The following RFX7 variants were observed in gnomAD, a reference collection of about 807,000 sequenced individuals.
RFX7 encodes DNA-binding protein RFX7.
In RFX7, 26 loss-of-function variants were observed where a neutral mutation model predicts 111.8. The observed-to-expected ratio is 0.23, with a 90% CI of 0.17 to 0.32. The LOEUF is 0.32. Among genes scored for constraint, RFX7 ranks in the 10% least tolerant of loss-of-function variants. RFX7 has a pLI of 1.00. For synonymous variants in RFX7, 624 were observed against 624.4 expected, an observed-to-expected ratio of 1.00 and a Z score of 0.01; for missense variants, 1,573 against 1,772.9, an observed-to-expected ratio of 0.89 and a Z score of 2.02.
At chr15:56,122,760 C>G (rs1378691578) in intron 5 of RFX7, among the ~76,000 whole-genome samples, 3 of 152,068 alleles carry the variant, frequency 2.0e-5, no homozygotes, top group Admixed American at 2.0e-4. Flanking sequence ...CAGTCCTTCC[C>G]ACTCTTCCTT....
intron 4 of RFX7, 34 bp downstream of exon 4, chr15:56,144,367 A>T: frequency 1.7e-6 from 2 of 1,205,604 alleles, no homozygotes; most frequent in Non-Finnish European, 2.3e-6. Context: ...TCCTATAAAC[A>T]GCATAATTAT....
chr15:56,101,659 C>A (rs765827847), intron 7 of RFX7, 93 bp from the exon 8 acceptor site: 1 of 1,151,222 alleles, frequency 8.7e-7, no homozygotes, highest in Non-Finnish European at 1.2e-6. Flanking sequence ...TTAGAAGATA[C>A]AATATAAATC....
chr15:56,128,017 T>C (rs1203282978), intron 5 of RFX7, among the ~76,000 whole-genome samples: 2 of 151,782 alleles, frequency 1.3e-5, no homozygotes, highest in South Asian at 2.1e-4. Context: ...TGACAACAAA[T>C]TGGATAATAT....
chr15:56,119,448 T>G (rs1277368742), intron 5 of RFX7, among the ~76,000 whole-genome samples: 1 of 152,174 alleles, frequency 6.6e-6, no homozygotes, highest in Non-Finnish European at 1.5e-5. Flanking sequence ...AAACCATGTA[T>G]TTCCCCAGTG....
At chr15:56,144,190 C>A (rs1312753005) in intron 4 of RFX7, among the ~76,000 whole-genome samples, 1 of 152,054 alleles carries the variant, frequency 6.6e-6, no homozygotes, top group African/African-American at 2.4e-5. Flanking sequence ...TAGCATTTAC[C>A]CAATTGCACA....
chr15:56,243,630 G>A lies in RFX7; in HGVS notation c.-188C>T, dbSNP rs2043748360. On this transcript the variant is annotated 5_prime_UTR_variant, in exon 1 of 10. Transcript: ENST00000559447. ...GTGGGGGGGTGAGATGGGGGCGTTT[G>A]AAGACGAAGTGGGGGGGGCAGGCTC... 1 of 184,372 alleles carries A rather than the reference G, an allele frequency of 5.4e-6. No homozygotes were observed. The highest frequency in any genetic ancestry group is 9.7e-6 in the Non-Finnish European group (1 of 103,114). 11.4% of individuals were successfully genotyped at this position (184,372 alleles called of 1,614,324 possible).
At chr15:56,118,840 C>T (rs1187932618) in intron 5 of RFX7, among the ~76,000 whole-genome samples, 3 of 152,338 alleles carry the variant, frequency 2.0e-5, no homozygotes. Flanking sequence ...CTTTCCTCCA[C>T]ATCCTTGTCA....
intron 2 of RFX7, among the ~76,000 whole-genome samples, chr15:56,233,627 T>A (rs981525314): frequency 6.6e-6 from 1 of 152,102 alleles, no homozygotes; most frequent in Non-Finnish European, 1.5e-5. Context: ...ATATCTACTA[T>A]CAAAAGAATT....
chr15:56,239,235 A>G, intron 2 of RFX7, among the ~76,000 whole-genome samples: 1 of 152,122 alleles, frequency 6.6e-6, no homozygotes, highest in Non-Finnish European at 1.5e-5. Context: ...TTTATGTTTC[A>G]TATACACCTT....
chr15:56,158,118 T>C (rs954256216), intron 3 of RFX7, among the ~76,000 whole-genome samples: 2 of 152,168 alleles, frequency 1.3e-5, no homozygotes, highest in Non-Finnish European at 2.9e-5. Context: ...ATATGACATA[T>C]ATATAAAATA....
chr15:56,192,864 T>C, intron 2 of RFX7: 1 of 218,342 alleles, frequency 4.6e-6, no homozygotes, highest in Non-Finnish European at 9.9e-6. Flanking sequence ...GCTGGCAAAC[T>C]TGTATGTTCA....
intron 5 of RFX7, among the ~76,000 whole-genome samples, chr15:56,109,224 T>C (rs1314371193): frequency 1.3e-5 from 2 of 152,220 alleles, no homozygotes; most frequent in Non-Finnish European, 2.9e-5. Flanking sequence ...TTTCGTATTT[T>C]TTGGGTGGAG....
intron 5 of RFX7, among the ~76,000 whole-genome samples, chr15:56,128,492 C>A (rs2042173342): frequency 6.6e-6 from 1 of 152,150 alleles, no homozygotes; most frequent in Non-Finnish European, 1.5e-5. Flanking sequence ...ATATAATCAT[C>A]TCAATAGATG....
chr15:56,153,938 G>A (rs2042613306), intron 3 of RFX7, among the ~76,000 whole-genome samples: 1 of 152,168 alleles, frequency 6.6e-6, no homozygotes, highest in Non-Finnish European at 1.5e-5. Context: ...AGCAACTTCA[G>A]CAAAGTCTCA....
rs1175175438 is a variant in RFX7 at position 56,232,019 on chromosome 15, G to A, written c.161+11106C>T. On this transcript the variant is annotated intron_variant, in intron 2 of 9. Transcript: ENST00000559447. The stretch of plus-strand genomic sequence containing the variant: ...GGTTCCCATGGTCTTGAGCGGCTCC[G>A]CCCCTGTGGCTTTGCAGGATACAGC... 7.9e-5 allele frequency among the ~76,000 whole-genome samples: 12 copies of A among 152,276 alleles called. No individual in the cohort carries two copies. The Middle Eastern group carries it at 0.014, about 173-fold the overall frequency.
chr15:56,227,741 T>C (rs939785661), intron 2 of RFX7, among the ~76,000 whole-genome samples: 3 of 152,336 alleles, frequency 2.0e-5, no homozygotes, highest in South Asian at 2.1e-4. Flanking sequence ...TGAACTGTTA[T>C]CTATTAGATC....
intron 2 of RFX7, among the ~76,000 whole-genome samples, chr15:56,237,468 T>C (rs1199601613): frequency 6.6e-6 from 1 of 152,220 alleles, no homozygotes; most frequent in African/African-American, 2.4e-5. Flanking sequence ...TAATTTTCAT[T>C]TGCACAATTT....
intron 3 of RFX7, among the ~76,000 whole-genome samples, chr15:56,155,377 A>G (rs143099729): frequency 8.5e-5 from 13 of 152,316 alleles, no homozygotes; most frequent in Middle Eastern, 3.4e-3. Context: ...ATGTCTATCA[A>G]TGATAGACTG....
intron 2 of RFX7, among the ~76,000 whole-genome samples, chr15:56,206,814 G>A (rs1268519168): frequency 1.3e-5 from 2 of 151,678 alleles, no homozygotes; most frequent in African/African-American, 4.8e-5. Flanking sequence ...TGAATTCATG[G>A]GGAGAAAGTG....
Sources: gnomAD v4.1 joint callset for allele counts (sites outside exome capture counted in the v4.1 genomes callset) on GRCh38, gnomAD v4.1.1 for gene constraint, MANE v1.5 for transcripts, NCBI Gene and HGNC (gene_info 2026-07-23, HGNC 2026-07-21) for gene names.